DPP10: variants seen among roughly 807,000 people sequenced by gnomAD.
DPP10 encodes the protein dipeptidyl peptidase like 10, also known as inactive dipeptidyl peptidase 10.
Under a neutral mutation model 120.9 loss-of-function variants are expected in DPP10, and 33 were observed. The observed-to-expected ratio is 0.27, with a 90% confidence interval of 0.21 to 0.37. DPP10 has a LOEUF of 0.37. Among genes scored for constraint, DPP10 ranks in the 10% least tolerant of loss-of-function variants. The pLI, the probability that DPP10 is intolerant of heterozygous loss-of-function variation, is 1.00. For synonymous variants in DPP10, 337 were observed against 326.1 expected, an observed-to-expected ratio of 1.03 and a Z score of -0.36; for missense variants, 816 against 942.8, an observed-to-expected ratio of 0.87 and a Z score of 1.76.
intron 2 of DPP10, among the ~76,000 whole-genome samples, chr2:115,324,473 C>T (rs902321325): frequency 6.6e-6 from 1 of 152,096 alleles, no homozygotes; most frequent in Non-Finnish European, 1.5e-5. Context: ...TTTCCTTAAA[C>T]CTCATGAACC....
Position 115,189,587 on chromosome 2 carries a change from TC to T in DPP10, c.61-119647del, listed in dbSNP as rs575567588. On this transcript the variant is annotated intron_variant, in intron 1 of 25. Coordinates refer to ENST00000410059, the MANE Select transcript of DPP10 (RefSeq NM_020868.6). ...ACTTGGGGTTCACTATATTTAACAATCCCCCATCTTGAATTTTTTCAGTTCT... is the reference window on the plus strand; with the variant it reads ...ACTTGGGGTTCACTATATTTAACAATCCCCATCTTGAATTTTTTCAGTTCT... Among the ~76,000 whole-genome samples the T allele has an allele frequency of 3.0e-3, 455 of 152,192 alleles. 2 individuals are homozygous for T. Among genetic ancestry groups the T allele is most frequent in the African/African-American group, 0.011 (449 of 41,540 alleles).
At chr2:114,446,150 C>T (rs979086685) in intron 1 of DPP10, among the ~76,000 whole-genome samples, 1 of 152,190 alleles carries the variant, frequency 6.6e-6, no homozygotes, top group South Asian at 2.1e-4. Flanking sequence ...CCATGGGTAG[C>T]AAACTTGAGT....
At chr2:115,442,193 T>C (rs1470660660) in intron 3 of DPP10, among the ~76,000 whole-genome samples, 1 of 152,080 alleles carries the variant, frequency 6.6e-6, no homozygotes, top group Non-Finnish European at 1.5e-5. Context: ...GGTCCTAGAT[T>C]TAATGCACAA....
intron 5 of DPP10, among the ~76,000 whole-genome samples, chr2:115,667,264 A>G (rs551551689): frequency 5.1e-4 from 77 of 152,254 alleles, no homozygotes; most frequent in African/African-American, 1.7e-3. Context: ...ACTTTGTCAG[A>G]TGCATAAATT....
At chr2:115,383,146 G>A (rs1035499349) in intron 3 of DPP10, among the ~76,000 whole-genome samples, 2 of 152,180 alleles carry the variant, frequency 1.3e-5, no homozygotes, top group African/African-American at 4.8e-5. Flanking sequence ...ACTGAATATT[G>A]AGTGATGATG....
chr2:115,104,459 T>C (rs1256044336), intron 1 of DPP10, among the ~76,000 whole-genome samples: 2 of 152,130 alleles, frequency 1.3e-5, no homozygotes, highest in African/African-American at 4.8e-5. Flanking sequence ...CTGTTTATTA[T>C]TGATTGATTC....
chr2:115,751,040 A>C (rs887085306), intron 10 of DPP10, among the ~76,000 whole-genome samples: 7 of 152,184 alleles, frequency 4.6e-5, no homozygotes, highest in Non-Finnish European at 1.0e-4. Context: ...ACTATATATC[A>C]GTTCAATATA....
intron 5 of DPP10, among the ~76,000 whole-genome samples, chr2:115,689,450 CAT>C (rs1010403231): frequency 1.1e-4 from 17 of 151,980 alleles, no homozygotes; most frequent in African/African-American, 4.1e-4. Context: ...AAGAAAGTAA[CAT>C]AATCACAATT....
chr2:115,166,497 T>TTATATATTATATAAATTTATATTATAAA lies in DPP10; in HGVS notation c.61-142721_61-142720insTTATAAATATATATTATATAAATTTATA, dbSNP rs1559172589. ...AATTTCTTATTTTTATATGTAAATA[T>TTATATATTATATAAATTTATATTATAAA]TATATATTATATAAATTTATAATAT... On this transcript the variant is annotated intron_variant, in intron 1 of 25. Coordinates refer to ENST00000410059, the MANE Select transcript of DPP10 (RefSeq NM_020868.6). 3.1e-4 allele frequency among the ~76,000 whole-genome samples: 36 copies of TTATATATTATATAAATTTATATTATAAA among 116,352 alleles called. 1 individual carries two copies. The highest frequency in any genetic ancestry group is 1.2e-3 in the African/African-American group (35 of 29,488). The allele number at this position is 116,352 out of a possible 152,430, so 76.3% of individuals were successfully genotyped here. A position where few individuals can be genotyped will look rare whatever the true frequency, so the allele number is the denominator to read the frequency against.
intron 7 of DPP10, among the ~76,000 whole-genome samples, chr2:115,715,197 G>T (rs555654007): frequency 7.9e-5 from 12 of 151,442 alleles, no homozygotes; most frequent in African/African-American, 2.2e-4. Flanking sequence ...AAATTAGCTG[G>T]GCGTGGTGGC....
At chr2:115,306,004 C>T (rs560522140) in intron 1 of DPP10, among the ~76,000 whole-genome samples, 6 of 151,986 alleles carry the variant, frequency 3.9e-5, no homozygotes, top group Admixed American at 3.3e-4. Flanking sequence ...TTATCATATA[C>T]TTAGGTAAGA....
In DPP10 at chr2:114,876,914, C is replaced by T. The variant is rs569027655; in HGVS notation, c.61-432325C>T. Among the ~76,000 whole-genome samples, 17 of 152,044 alleles carry T rather than the reference C, an allele frequency of 1.1e-4. No homozygotes were observed. In the South Asian group the frequency reaches 3.5e-3, roughly 32 times the overall value. On this transcript the variant is annotated intron_variant, in intron 1 of 25. Transcript: ENST00000410059. Reference sequence around the variant, plus strand: ...TGACCCTAAAGGTACTAAAGTGTCACGACTTTTCCTTTCCTCTGCAGTCTC... The same window carrying T: ...TGACCCTAAAGGTACTAAAGTGTCATGACTTTTCCTTTCCTCTGCAGTCTC...
intron 1 of DPP10, among the ~76,000 whole-genome samples, chr2:115,142,434 CAGG>C (rs2050979706): frequency 6.6e-6 from 1 of 152,154 alleles, no homozygotes; most frequent in African/African-American, 2.4e-5. Context: ...AGCATGGACC[CAGG>C]AGATCAGCCC....
intron 1 of DPP10, among the ~76,000 whole-genome samples, chr2:114,962,992 T>C (rs1368866384): frequency 1.3e-5 from 2 of 152,234 alleles, no homozygotes; most frequent in African/African-American, 4.8e-5. Flanking sequence ...CCAATGCTGT[T>C]ACAAATTTGT....
chr2:115,393,277 C>A (rs2067445478), intron 3 of DPP10, among the ~76,000 whole-genome samples: 1 of 149,288 alleles, frequency 6.7e-6, no homozygotes, highest in South Asian at 2.1e-4. Flanking sequence ...TGTGCCACTG[C>A]ACTCAAGCCT....
intron 2 of DPP10, 97 bp downstream of exon 2, chr2:115,309,450 G>T: frequency 8.7e-7 from 1 of 1,145,578 alleles, no homozygotes; most frequent in South Asian, 1.5e-5. Flanking sequence ...TGGTATCTTA[G>T]GGCACATTAG....
intron 1 of DPP10, among the ~76,000 whole-genome samples, chr2:114,465,004 C>A (rs937824464): frequency 7.2e-5 from 11 of 152,206 alleles, no homozygotes; most frequent in African/African-American, 2.7e-4. Flanking sequence ...AGAGTTGTCA[C>A]ACAGAAGTCT....
intron 7 of DPP10, among the ~76,000 whole-genome samples, chr2:115,709,331 G>C (rs976353037): frequency 6.6e-6 from 1 of 152,030 alleles, no homozygotes; most frequent in Non-Finnish European, 1.5e-5. Context: ...CAGAGCAGGG[G>C]TAACTAGTGG....
intron 19 of DPP10, among the ~76,000 whole-genome samples, chr2:115,803,790 C>A (rs191655366): frequency 6.6e-6 from 1 of 152,074 alleles, no homozygotes; most frequent in Non-Finnish European, 1.5e-5. Context: ...GAGTTTCTGC[C>A]GAGAGATCCG....
Sources: allele counts gnomAD v4.1 joint callset (sites outside exome capture counted in the v4.1 genomes callset), GRCh38; gene constraint gnomAD v4.1.1; transcripts MANE v1.5; gene names NCBI Gene and HGNC (gene_info 2026-07-23, HGNC 2026-07-21).